The following BRWD3 variants were observed in gnomAD, a reference collection of about 807,000 sequenced individuals.
BRWD3 encodes bromodomain and WD repeat domain containing 3, also known as bromodomain and WD repeat-containing protein 3.
A neutral mutation model predicts 149.7 loss-of-function variants in BRWD3; 10 were observed. The ratio of observed to expected loss-of-function variants is 0.07; its 90% CI spans 0.04 to 0.11. The LOEUF is 0.11. Among genes scored for constraint, BRWD3 ranks in the 10% least tolerant of loss-of-function variants. The pLI, the probability that BRWD3 is intolerant of heterozygous loss-of-function variation, is 1.00. For synonymous variants in BRWD3, 504 were observed against 456.7 expected (o/e 1.10, Z -1.32); for missense variants, 940 against 1,373.2 (o/e 0.68, Z 4.99).
chrX:80,725,820 TATAAC>T (rs747530517), intron 14 of BRWD3, among the ~76,000 whole-genome samples: 37 of 91,451 alleles, frequency 4.0e-4, no homozygotes, highest in African/African-American at 1.3e-3. Flanking sequence ...TACATGCCTA[TATAAC>T]ATAACATGTT....
intron 8 of BRWD3, among the ~76,000 whole-genome samples, chrX:80,741,382 G>T (rs1169186125): frequency 8.9e-6 from 1 of 111,929 alleles, no homozygotes; most frequent in Non-Finnish European, 1.9e-5. Flanking sequence ...GTGTGCGTGT[G>T]TCTTTAGAGC....
chrX:80,754,540 A>G (rs959040700), intron 6 of BRWD3, among the ~76,000 whole-genome samples: 1 of 111,869 alleles, frequency 8.9e-6, no homozygotes, highest in Non-Finnish European at 1.9e-5. Flanking sequence ...TTCCATTACT[A>G]TGTTGAATAG....
At chrX:80,711,057 G>A (rs73225401) in intron 20 of BRWD3, among the ~76,000 whole-genome samples, 9,259 of 110,674 alleles carry the variant, frequency 0.084, 377 homozygotes, top group South Asian at 0.2. Context: ...CATAATTTAC[G>A]TATGCCACAT....
At chrX:80,678,167 G>A (rs2072393030) in intron 40 of BRWD3, among the ~76,000 whole-genome samples, 1 of 112,313 alleles carries the variant, frequency 8.9e-6, no homozygotes, top group Non-Finnish European at 1.9e-5. Context: ...ATCCACTGCA[G>A]TATTCTAGGT....
chrX:80,769,302 C>T (rs978598682), intron 6 of BRWD3, among the ~76,000 whole-genome samples: 2 of 111,668 alleles, frequency 1.8e-5, no homozygotes, highest in Admixed American at 1.9e-4. Context: ...CTTCTCAGCA[C>T]CACAACACAC....
chrX:80,687,994 T>C (rs1402795847), intron 34 of BRWD3, 75 bp downstream of exon 34: 2 of 742,203 alleles, frequency 2.7e-6, no homozygotes, highest in South Asian at 2.1e-5. Context: ...TCTCCAAATA[T>C]GGGGTTGGTC....
chrX:80,794,332 C>T (rs1366883084), intron 4 of BRWD3, among the ~76,000 whole-genome samples: 3 of 109,287 alleles, frequency 2.7e-5, no homozygotes, highest in African/African-American at 1.0e-4. Flanking sequence ...ACAACAAAAC[C>T]CCATCTCTAC....
intron 24 of BRWD3, 117 bp downstream of exon 24, chrX:80,703,363 C>T: frequency 4.3e-6 from 2 of 466,574 alleles, no homozygotes; most frequent in Non-Finnish European, 3.7e-6. Context: ...TTGAGCAGAG[C>T]AGATAAGACA....
intron 24 of BRWD3, 38 bp downstream of exon 24, chrX:80,703,442 A>G (rs754710367): frequency 3.2e-6 from 3 of 937,742 alleles, no homozygotes; most frequent in Non-Finnish European, 4.5e-6. Flanking sequence ...AGTGCTCTTG[A>G]GGCTCCACAG....
intron 7 of BRWD3, among the ~76,000 whole-genome samples, chrX:80,745,135 T>C (rs772714229): frequency 9.0e-6 from 1 of 111,130 alleles, no homozygotes; most frequent in Non-Finnish European, 1.9e-5. Flanking sequence ...AAAAAAGATA[T>C]AAAAAATAGC....
intron 6 of BRWD3, among the ~76,000 whole-genome samples, chrX:80,785,728 T>C (rs2074101241): frequency 8.9e-6 from 1 of 111,834 alleles, no homozygotes; most frequent in Non-Finnish European, 1.9e-5. Flanking sequence ...AGGATAAAAA[T>C]AGGAAACTTA....
rs1602348171 is a variant in BRWD3, at chrX:80,719,537, C to T, written c.1996G>A (p.Gly666Arg). The T allele has an allele frequency of 8.3e-7, 1 of 1,208,973 alleles. No individual in the cohort carries two copies. The highest frequency in any genetic ancestry group is 3.0e-5 in the East Asian group (1 of 33,777). ...REQDLRLINE[G>R]DVPHLPVNRA... The stretch of plus-strand genomic sequence containing the variant: ...TTAACTGGTAAATGTGGAACATCTC[C>T]TTCATTAATTAGTCTCAGGTCTTGT... The change falls in exon 18 of 41, where the codon GGA becomes AGA. Residue 666 changes from glycine to arginine, a missense_variant. Gly to Arg is a moderately radical substitution (Grantham distance 125). Around this residue, in one of 6 missense-constraint regions of BRWD3, gnomAD observed 209 missense variants for 396.8 expected, o/e 0.53. Transcript: ENST00000373275.
intron 33 of BRWD3, among the ~76,000 whole-genome samples, chrX:80,689,367 A>C (rs866026767): frequency 9.0e-6 from 1 of 111,653 alleles, no homozygotes; most frequent in Non-Finnish European, 1.9e-5. Context: ...AAACTACCAA[A>C]AATTTAGACT....
At chrX:80,679,733 G>GAGAAGTTAA (rs201106928) in intron 40 of BRWD3, among the ~76,000 whole-genome samples, 9,277 of 110,094 alleles carry the variant, frequency 0.084, 379 homozygotes, top group South Asian at 0.19. Flanking sequence ...TATAGAGATT[G>GAGAAGTTAA]AAACTAAAAA....
Position 80,676,291 on chromosome X carries a change from C to T in BRWD3, c.*318G>A, listed in dbSNP as rs1343912243. 1.4e-5 allele frequency: 4 copies of T among 283,891 alleles called. No homozygotes were observed. Among genetic ancestry groups the T allele is most frequent in the Non-Finnish European group, 1.9e-5 (3 of 161,983 alleles). 23.4% of individuals were successfully genotyped at this position (283,891 alleles called of 1,213,427 possible). A position where few individuals can be genotyped will look rare whatever the true frequency, so the allele number is the denominator to read the frequency against. ...CATGCTACTCTTAAGAAGCTGAATG[C>T]TCCTTTAATGTAGTAAATCTGTAGT... On this transcript the variant is annotated 3_prime_UTR_variant, in exon 41 of 41. Coordinates refer to ENST00000373275, the MANE Select transcript of BRWD3 (RefSeq NM_153252.5).
chrX:80,684,878 C>T (rs112186701), intron 36 of BRWD3, among the ~76,000 whole-genome samples: 3,302 of 110,504 alleles, frequency 0.03, 61 homozygotes, highest in Non-Finnish European at 0.05. Context: ...GTATTAGATC[C>T]CTTATTGTAT....
rs373220604 is a variant in BRWD3 at position 80,781,897 on chromosome X, A to G, written c.430+9957T>C. Among the ~76,000 whole-genome samples the G allele has an allele frequency of 2.7e-5, 3 of 112,141 alleles. No individual in the cohort carries two copies. In the Admixed American group the frequency reaches 2.8e-4, roughly 11 times the overall value. ...GAAAGATATTCCATATTCATGAATT[A>G]TAAGAATCATTATTGTTAAAATGTC... On this transcript the variant is annotated intron_variant, in intron 6 of 40. Transcript: ENST00000373275.
chrX:80,712,030 A>G (rs892829388), intron 20 of BRWD3, among the ~76,000 whole-genome samples: 5 of 112,235 alleles, frequency 4.5e-5, no homozygotes, highest in African/African-American at 1.3e-4. Context: ...TTTCATCAAC[A>G]GCATTCTTAA....
chrX:80,700,433 G>GATATAT lies in BRWD3; in HGVS notation c.2836-375_2836-370dup, dbSNP rs748889698. On this transcript the variant is annotated intron_variant, in intron 24 of 40. Coordinates refer to ENST00000373275, the MANE Select transcript of BRWD3 (RefSeq NM_153252.5). ...AATCAACTGCAGATTGAAAATATTT[G>GATATAT]ATATATATAACAATACAATTAGGCC... Among the ~76,000 whole-genome samples, 38 of 55,615 alleles carry GATATAT rather than the reference G, an allele frequency of 6.8e-4. 2 individuals carry two copies. Among genetic ancestry groups the GATATAT allele is most frequent in the East Asian group, 4.4e-3 (8 of 1,827 alleles). The allele number at this position is 55,615 out of a possible 115,157, so 48.3% of individuals were successfully genotyped here.
Sources: allele counts gnomAD v4.1 joint callset (sites outside exome capture counted in the v4.1 genomes callset), GRCh38; gene constraint gnomAD v4.1.1; regional missense constraint gnomAD v4.1.1; transcripts MANE v1.5; gene names NCBI Gene and HGNC (gene_info 2026-07-23, HGNC 2026-07-21).